The following DLGAP2 variants were observed in gnomAD, a reference collection of about 807,000 sequenced individuals.
DLGAP2 encodes DLG associated protein 2, also known as disks large-associated protein 2.
In DLGAP2, 26 loss-of-function variants were observed where a neutral mutation model predicts 100.3. That is an observed-to-expected ratio of 0.26 (90% CI 0.19 to 0.36). The LOEUF (loss-of-function observed/expected upper bound fraction) is 0.36. DLGAP2 is among the 10% of genes least tolerant of loss of function. The probability of loss-of-function intolerance (pLI) is 1.00; values close to 1 mark genes in which losing one functional copy is unlikely to be tolerated. For synonymous variants in DLGAP2, 886 were observed against 630.1 expected (o/e 1.41, Z -6.08); for missense variants, 1,858 against 1,453.2 (o/e 1.28, Z -4.53).
chr8:1,568,477 A>G (rs1320423207), intron 6 of DLGAP2, among the ~76,000 whole-genome samples: 1 of 132,804 alleles, frequency 7.5e-6, no homozygotes, highest in Non-Finnish European at 1.6e-5. Context: ...CTCAGCAGAC[A>G]CAAATCCGTC....
intron 3 of DLGAP2, chr8:1,368,669 A>G (rs1209832781): frequency 6.6e-6 from 1 of 152,134 alleles, no homozygotes; most frequent in Non-Finnish European, 1.5e-5. Flanking sequence ...CCGTATATCA[A>G]TTTTTTATTT....
At chr8:1,424,734 C>A (rs1305914446) in intron 3 of DLGAP2, among the ~76,000 whole-genome samples, 1 of 151,994 alleles carries the variant, frequency 6.6e-6, no homozygotes, top group Non-Finnish European at 1.5e-5. Context: ...ATGGTGTGAT[C>A]CCCTTACACG....
intron 2 of DLGAP2, among the ~76,000 whole-genome samples, chr8:1,213,943 T>G (rs1005587581): frequency 6.6e-6 from 1 of 152,168 alleles, no homozygotes; most frequent in Admixed American, 6.5e-5. Flanking sequence ...GAGCTGAGGT[T>G]GACGGTGTAA....
chr8:1,160,050 G>C (rs1055017313), intron 2 of DLGAP2, among the ~76,000 whole-genome samples: 2 of 152,208 alleles, frequency 1.3e-5, no homozygotes, highest in Non-Finnish European at 2.9e-5. Context: ...GTCGTAAACT[G>C]AGCCCCCACG....
chr8:943,393 G>C (rs902037839), intron 2 of DLGAP2, among the ~76,000 whole-genome samples: 1 of 152,252 alleles, frequency 6.6e-6, no homozygotes, highest in Non-Finnish European at 1.5e-5. Context: ...CTTTGGTTTT[G>C]ACTGGCCACG....
intron 3 of DLGAP2, among the ~76,000 whole-genome samples, chr8:1,310,498 C>G (rs529523794): frequency 2.6e-5 from 4 of 152,110 alleles, no homozygotes; most frequent in Non-Finnish European, 4.4e-5. Flanking sequence ...GGGGTTTGGA[C>G]GGACACGTAC....
At position 1,626,750 on chromosome 8, in the gene DLGAP2, C is replaced by A. The variant is rs1261465311; in HGVS notation, c.1453C>A (p.Leu485Met). ...TCTTCTTTCCTGTAGCCAGACCTAC[C>A]TGCAAGCTGCAAGCGATGTGCCTGT... is the stretch of plus-strand genomic sequence containing the variant. ...PLGEHQTQTY[L>M]QAASDVPVGH... Residue 485 changes from leucine (L) to methionine (M), a missense_variant, in exon 7 of 15, where the codon CTG (leucine) becomes ATG (methionine). Physicochemically the swap from Leu to Met is conservative, Grantham distance 15. Coordinates refer to ENST00000637795, the MANE Select transcript of DLGAP2 (RefSeq NM_001346810.2). The A allele has an allele frequency of 5.6e-6, 9 of 1,601,606 alleles. No individual in the cohort carries two copies. Among genetic ancestry groups the A allele is most frequent in the Non-Finnish European group, 6.0e-6 (7 of 1,174,466 alleles).
chr8:1,481,066 G>T (rs1205205750), intron 3 of DLGAP2, among the ~76,000 whole-genome samples: 1 of 152,096 alleles, frequency 6.6e-6, no homozygotes, highest in Non-Finnish European at 1.5e-5. Context: ...CAGCTACTTG[G>T]GAGGCTGAGG....
intron 13 of DLGAP2, among the ~76,000 whole-genome samples, chr8:1,696,800 G>A (rs947061996): frequency 6.6e-6 from 1 of 152,170 alleles, no homozygotes; most frequent in African/African-American, 2.4e-5. Context: ...GCAGGCTCAC[G>A]GAGCCCTGTC....
chr8:1,465,617 G>C (rs1256884512), intron 3 of DLGAP2, among the ~76,000 whole-genome samples: 1 of 152,218 alleles, frequency 6.6e-6, no homozygotes, highest in African/African-American at 2.4e-5. Flanking sequence ...GTGTCTGGAA[G>C]CTCCACAAAA....
intron 1 of DLGAP2, among the ~76,000 whole-genome samples, chr8:795,514 G>A (rs1796007111): frequency 1.3e-5 from 2 of 152,226 alleles, no homozygotes; most frequent in East Asian, 1.9e-4. Context: ...GCATGCAAAG[G>A]ACAGATGTGT....
intron 2 of DLGAP2, among the ~76,000 whole-genome samples, chr8:1,069,518 G>A (rs1803364031): frequency 6.6e-6 from 1 of 152,078 alleles, no homozygotes; most frequent in Admixed American, 6.6e-5. Context: ...TTGAGATAAC[G>A]GTTTCTGGGG....
At chr8:1,200,105 C>T (rs898406942) in intron 2 of DLGAP2, among the ~76,000 whole-genome samples, 4 of 152,068 alleles carry the variant, frequency 2.6e-5, no homozygotes, top group Non-Finnish European at 4.4e-5. Flanking sequence ...GCTGAAGGGT[C>T]GGGGGCGTGG....
At chr8:1,585,960 G>A (rs756976953) in intron 6 of DLGAP2, among the ~76,000 whole-genome samples, 12 of 152,176 alleles carry the variant, frequency 7.9e-5, no homozygotes, top group South Asian at 2.1e-4. Context: ...ACATATGGGC[G>A]TAGTTTACAA....
intron 2 of DLGAP2, among the ~76,000 whole-genome samples, chr8:948,306 T>C (rs1248962672): frequency 2.0e-5 from 3 of 152,220 alleles, no homozygotes; most frequent in African/African-American, 7.2e-5. Context: ...CGACCCTGGC[T>C]CCTCATGCGT....
intron 3 of DLGAP2, among the ~76,000 whole-genome samples, chr8:1,419,183 CTG>C (rs1293275359): frequency 6.8e-6 from 1 of 146,580 alleles, no homozygotes. Context: ...TTGTGGGATA[CTG>C]TGTTACACTC....
intron 3 of DLGAP2, among the ~76,000 whole-genome samples, chr8:1,455,920 A>G (rs1798298567): frequency 6.6e-6 from 1 of 152,288 alleles, no homozygotes; most frequent in East Asian, 1.9e-4. Context: ...ATCAATCAAC[A>G]TGACTGAGAG....
intron 3 of DLGAP2, chr8:1,378,164 T>A: frequency 6.0e-6 from 1 of 167,816 alleles, no homozygotes; most frequent in Non-Finnish European, 1.3e-5. Flanking sequence ...CTGTCTGTCC[T>A]GCGCACACCT....
At chr8:1,011,910 C>T (rs549984301) in intron 2 of DLGAP2, among the ~76,000 whole-genome samples, 6 of 152,186 alleles carry the variant, frequency 3.9e-5, no homozygotes, top group Non-Finnish European at 7.4e-5. Context: ...TGTGTTTTAC[C>T]GAGGATGCTC....
Sources: gnomAD v4.1 joint callset for allele counts (sites outside exome capture counted in the v4.1 genomes callset) on GRCh38, gnomAD v4.1.1 for gene constraint, MANE v1.5 for transcripts, NCBI Gene and HGNC (gene_info 2026-07-23, HGNC 2026-07-21) for gene names.